CPNE9: variants seen among roughly 807,000 people sequenced by gnomAD.
CPNE9 encodes copine-9.
Under a neutral mutation model 83.0 loss-of-function variants are expected in CPNE9, and 59 were observed. That is an observed-to-expected ratio of 0.71 (90% CI 0.58 to 0.88). The LOEUF (loss-of-function observed/expected upper bound fraction) is 0.88. Among genes scored for constraint, CPNE9 ranks in the 40% least tolerant of loss-of-function variants. The pLI is 0.00. For synonymous variants in CPNE9, 256 were observed against 273.4 expected (o/e 0.94, Z 0.63); for missense variants, 619 against 720.8 (o/e 0.86, Z 1.62).
At chr3:9,708,086 A>G (rs750525930) in intron 7 of CPNE9, among the ~76,000 whole-genome samples, 20 of 152,336 alleles carry the variant, frequency 1.3e-4, no homozygotes, top group Non-Finnish European at 2.1e-4. Context: ...AGCTGGAACT[A>G]CAAGTGGATG....
Position 9,705,723 on chromosome 3 carries a change from G to A in CPNE9, c.300+3G>A. On this transcript the variant is annotated splice_donor_region_variant and intron_variant, in intron 6 of 20. Coordinates refer to ENST00000383832, the MANE Select transcript of CPNE9 (RefSeq NM_153635.3). Reference sequence around the variant, plus strand: ...GCCACTGCTGGGACCTGCAGAAGGTGAGGCTGAATGGGGCTGGGCAGAGGT... The same window carrying A: ...GCCACTGCTGGGACCTGCAGAAGGTAAGGCTGAATGGGGCTGGGCAGAGGT... The A allele has an allele frequency of 6.2e-7, 1 of 1,613,944 alleles. No homozygotes were observed. The highest frequency in any genetic ancestry group is 8.5e-7 in the Non-Finnish European group (1 of 1,179,848).
chr3:9,718,257 C>T (rs549249382), intron 16 of CPNE9, 47 bp downstream of exon 16: 4 of 1,534,932 alleles, frequency 2.6e-6, no homozygotes, highest in Non-Finnish European at 3.5e-6. Context: ...GCATCTGGTT[C>T]ACCCAAGTTG....
chr3:9,717,754 A>G (rs1055365495), intron 15 of CPNE9, among the ~76,000 whole-genome samples: 14 of 152,184 alleles, frequency 9.2e-5, no homozygotes, highest in African/African-American at 3.4e-4. Context: ...AGATTGGTGG[A>G]TAAAGATGTA....
At position 9,716,002 on chromosome 3, in the gene CPNE9, C is replaced by G. The variant is rs1197516154; in HGVS notation, c.851C>G (p.Ser284Cys). 1 of 1,611,834 alleles carries G rather than the reference C, an allele frequency of 6.2e-7. No individual in the cohort carries two copies. The highest frequency in any genetic ancestry group is 1.1e-5 in the South Asian group (1 of 90,282). The change falls in exon 14 of 21, where the codon TCT (serine) becomes TGT (cysteine). Residue 284 changes from serine to cysteine, a missense_variant. Physicochemically the swap from Ser to Cys is moderately radical, Grantham distance 112 (BLOSUM62 -1). This residue lies in a region of CPNE9 where 438 missense variants were observed against 562.9 expected (regional missense o/e 0.78). Transcript: ENST00000383832. ...TVTLLSFSVD[S>C]EFTFVDYIKG... Reference sequence around the variant, plus strand: ...ACGCTGCTCTCCTTCTCTGTGGACTCTGAATTCACTTTTGTTGATTACATC... The same window carrying G: ...ACGCTGCTCTCCTTCTCTGTGGACTGTGAATTCACTTTTGTTGATTACATC...
intron 14 of CPNE9, 58 bp from the exon 15 acceptor site, chr3:9,717,000 A>G: frequency 6.4e-7 from 1 of 1,558,974 alleles, no homozygotes; most frequent in Non-Finnish European, 8.8e-7. Flanking sequence ...CTGTTTGAGA[A>G]ATAGTGATGT....
rs2076557684 is a variant in CPNE9 at position 9,705,779 on chromosome 3, G to GGT, written c.300+59_300+60insGT. 3.2e-6 allele frequency: 5 copies of GGT among 1,577,316 alleles called. No homozygotes were observed. In the African/African-American group the frequency reaches 6.7e-5, roughly 21 times the overall value. ...GTGGGGGTGGTATTGTGGAGAACAG[G>GGT]CTTGGACTGATGACCCACTACAAGG... is the stretch of plus-strand genomic sequence containing the variant. On this transcript the variant is annotated intron_variant, in intron 6 of 20. Transcript: ENST00000383832.
chr3:9,708,154 G>A (rs1575116962), intron 7 of CPNE9, among the ~76,000 whole-genome samples: 1 of 152,308 alleles, frequency 6.6e-6, no homozygotes, highest in East Asian at 1.9e-4. Context: ...GCCTCATTGT[G>A]TTTTTCAGGC....
intron 6 of CPNE9, 40 bp downstream of exon 6, chr3:9,705,760 G>T: frequency 6.2e-7 from 1 of 1,605,480 alleles, no homozygotes; most frequent in Non-Finnish European, 8.5e-7. Context: ...GGGGGTGGGG[G>T]TGGTATTGTG....
chr3:9,723,276 A>C (rs962199802), intron 17 of CPNE9, among the ~76,000 whole-genome samples: 2 of 152,142 alleles, frequency 1.3e-5, no homozygotes, highest in Admixed American at 1.3e-4. Context: ...GTTCAAGACC[A>C]GCATGGACAA....
intron 7 of CPNE9, among the ~76,000 whole-genome samples, chr3:9,712,324 G>A (rs2076637905): frequency 1.3e-5 from 2 of 152,144 alleles, no homozygotes; most frequent in Non-Finnish European, 2.9e-5. Context: ...TGCTACTGTT[G>A]TGAGATGTTC....
At chr3:9,725,790 C>A (rs567112977) in intron 17 of CPNE9, among the ~76,000 whole-genome samples, 159 bp from the exon 18 acceptor site, 2 of 151,464 alleles carry the variant, frequency 1.3e-5, no homozygotes, top group South Asian at 4.2e-4. Flanking sequence ...TATATATATG[C>A]AGGCAGTGGC....
intron 17 of CPNE9, among the ~76,000 whole-genome samples, chr3:9,725,390 C>G (rs2076768167): frequency 6.6e-6 from 1 of 151,792 alleles, no homozygotes; most frequent in Non-Finnish European, 1.5e-5. Flanking sequence ...TAAAAAGTAG[C>G]CAGGTGTGGT....
chr3:9,716,313 G>C (rs1443777820), intron 14 of CPNE9, among the ~76,000 whole-genome samples: 1 of 152,116 alleles, frequency 6.6e-6, no homozygotes, highest in Non-Finnish European at 1.5e-5. Flanking sequence ...ACCTAATTGG[G>C]GCACAAATAA....
At chr3:9,724,574 G>GAGT (rs767866993) in intron 17 of CPNE9, among the ~76,000 whole-genome samples, 3 of 152,164 alleles carry the variant, frequency 2.0e-5, no homozygotes, top group Non-Finnish European at 4.4e-5. Flanking sequence ...CCACACAGGG[G>GAGT]AGTTGTTCTT....
intron 7 of CPNE9, among the ~76,000 whole-genome samples, chr3:9,710,370 G>A (rs1217643116): frequency 6.6e-6 from 1 of 152,230 alleles, no homozygotes; most frequent in Non-Finnish European, 1.5e-5. Context: ...GAAGATACTG[G>A]TGGCAAGGTA....
At chr3:9,705,419 T>TCG in intron 4 of CPNE9, 45 bp from the exon 5 acceptor site, 1 of 662,626 alleles carries the variant, frequency 1.5e-6, no homozygotes. Flanking sequence ...TTCCACCCTC[T>TCG]CCCCCACCCA....
In CPNE9 at chr3:9,706,155, G is replaced by A. The variant is rs1398331185; in HGVS notation, c.377+92G>A. On this transcript the variant is annotated intron_variant, in intron 7 of 20. Transcript: ENST00000383832. ...CGCTGACTGATAGAAGTGGAGGCTGGGGTTGCCCCTGGTCAGGAGCCTGCC... is the reference window on the plus strand; with the variant it reads ...CGCTGACTGATAGAAGTGGAGGCTGAGGTTGCCCCTGGTCAGGAGCCTGCC... 8.3e-6 allele frequency: 11 copies of A among 1,330,464 alleles called. No homozygotes were observed. In the African/African-American group the frequency reaches 1.6e-4, roughly 19 times the overall value. The allele number at this position is 1,330,464 out of a possible 1,614,324, so 82.4% of individuals were successfully genotyped here.
intron 17 of CPNE9, 54 bp downstream of exon 17, chr3:9,718,656 G>C: frequency 1.3e-6 from 2 of 1,589,140 alleles, no homozygotes; most frequent in Middle Eastern, 1.8e-4. Flanking sequence ...ATAAGGGATT[G>C]ACCCCCCAAG....
At chr3:9,708,923 C>T (rs570375051) in intron 7 of CPNE9, among the ~76,000 whole-genome samples, 27 of 151,742 alleles carry the variant, frequency 1.8e-4, no homozygotes, top group South Asian at 4.2e-4. Context: ...CGTGAGCCAC[C>T]GCACCCGGCC....
Sources: allele counts gnomAD v4.1 joint callset (sites outside exome capture counted in the v4.1 genomes callset), GRCh38; gene constraint gnomAD v4.1.1; regional missense constraint gnomAD v4.1.1; transcripts MANE v1.5; gene names NCBI Gene and HGNC (gene_info 2026-07-23, HGNC 2026-07-21).